The following SUGCT variants were observed in gnomAD, a reference collection of about 807,000 sequenced individuals.
SUGCT encodes the protein succinyl-CoA:glutarate-CoA transferase.
In SUGCT, 41 loss-of-function variants were observed where a neutral mutation model predicts 55.0. That is an observed-to-expected ratio of 0.74 (90% CI 0.58 to 0.97). SUGCT has a LOEUF of 0.97. Ranked by LOEUF, SUGCT falls within the 50% of genes least tolerant of loss-of-function variation. The probability of loss-of-function intolerance (pLI) is 0.00; values close to 1 mark genes in which losing one functional copy is unlikely to be tolerated. For missense variants in SUGCT, 568 were observed against 547.8 expected (o/e 1.04, Z -0.37); for synonymous variants, 187 against 200.4 (o/e 0.93, Z 0.56).
chr7:40,341,658 T>G (rs773629189), intron 9 of SUGCT, among the ~76,000 whole-genome samples: 8 of 152,070 alleles, frequency 5.3e-5, no homozygotes, highest in Non-Finnish European at 1.0e-4. Flanking sequence ...GCGGGGAGGA[T>G]CCAGTACTGT....
chr7:40,437,741 C>G (rs1186661290), intron 9 of SUGCT, among the ~76,000 whole-genome samples: 1 of 152,110 alleles, frequency 6.6e-6, no homozygotes, highest in Non-Finnish European at 1.5e-5. Context: ...GCTTGGCATT[C>G]CAGAAAACAT....
intron 7 of SUGCT, among the ~76,000 whole-genome samples, chr7:40,247,524 C>T (rs1217884752): frequency 1.3e-5 from 2 of 152,130 alleles, no homozygotes; most frequent in Non-Finnish European, 2.9e-5. Context: ...TCCCGAAGTC[C>T]TGGGATTACA....
intron 12 of SUGCT, among the ~76,000 whole-genome samples, chr7:40,556,438 T>C (rs576566470): frequency 7.2e-5 from 11 of 152,330 alleles, no homozygotes; most frequent in Admixed American, 2.6e-4. Context: ...CAGTCCTGCT[T>C]TCCTTATTCC....
At chr7:40,473,167 G>A (rs1187018661) in intron 11 of SUGCT, among the ~76,000 whole-genome samples, 1 of 152,080 alleles carries the variant, frequency 6.6e-6, no homozygotes, top group African/African-American at 2.4e-5. Flanking sequence ...ATAAGTAGCC[G>A]AATCCACTAA....
chr7:40,167,787 T>C (rs534793465), intron 1 of SUGCT, among the ~76,000 whole-genome samples: 14 of 152,228 alleles, frequency 9.2e-5, no homozygotes, highest in Non-Finnish European at 1.3e-4. Context: ...CTGCCAGATC[T>C]GGAGGGGTGG....
chr7:40,773,921 T>C (rs940771294), intron 13 of SUGCT, among the ~76,000 whole-genome samples: 2 of 152,188 alleles, frequency 1.3e-5, no homozygotes, highest in Non-Finnish European at 2.9e-5. Flanking sequence ...ACACTCCACA[T>C]AGCCATTTTA....
chr7:40,789,878 G>A (rs144808692), intron 13 of SUGCT, among the ~76,000 whole-genome samples: 1 of 152,244 alleles, frequency 6.6e-6, no homozygotes, highest in Non-Finnish European at 1.5e-5. Context: ...GTTAACAAAT[G>A]TGTGGAGGGG....
At chr7:40,861,931 T>C (rs1292004153), downstream of SUGCT, among the ~76,000 whole-genome samples, 1 of 152,248 alleles carries the variant, frequency 6.6e-6, no homozygotes, top group Non-Finnish European at 1.5e-5. Context: ...TCACAATGCA[T>C]ACTCAGAGAC....
At chr7:40,706,646 C>G (rs1009937450) in intron 12 of SUGCT, among the ~76,000 whole-genome samples, 23 of 152,196 alleles carry the variant, frequency 1.5e-4, no homozygotes, top group Non-Finnish European at 2.6e-4. Context: ...GCAGTGGCTT[C>G]TTTGGTGGGC....
Position 40,204,962 on chromosome 7 carries a change from A to T in SUGCT, c.484+9902A>T, listed in dbSNP as rs943999713. Among the ~76,000 whole-genome samples the T allele has an allele frequency of 5.3e-5, 8 of 150,126 alleles. No individual in the cohort carries two copies. In the East Asian group the frequency reaches 9.8e-4, roughly 18 times the overall value. On this transcript the variant is annotated intron_variant, in intron 6 of 13. Transcript: ENST00000335693. ...AGTGAGAACTTGTCTCTTAAAAATAAAAAGAGAAGGGCCCGGTGCAATGGC... is the reference window on the plus strand; with the variant it reads ...AGTGAGAACTTGTCTCTTAAAAATATAAAGAGAAGGGCCCGGTGCAATGGC...
intron 13 of SUGCT, among the ~76,000 whole-genome samples, chr7:40,840,209 C>A (rs1194397381): frequency 2.6e-5 from 4 of 152,064 alleles, no homozygotes; most frequent in Non-Finnish European, 5.9e-5. Flanking sequence ...TTTGTGAACT[C>A]CATGGGAGTC....
chr7:40,423,631 A>G (rs978077493), intron 9 of SUGCT, among the ~76,000 whole-genome samples: 8 of 152,146 alleles, frequency 5.3e-5, no homozygotes, highest in African/African-American at 1.9e-4. Flanking sequence ...TACTGAAAAA[A>G]AAGTAGCTTA....
chr7:40,913,487 T>A, the SUGCT span, among the ~76,000 whole-genome samples: 3 of 152,226 alleles, frequency 2.0e-5, no homozygotes, highest in African/African-American at 7.2e-5. Flanking sequence ...ATAAGTTTTC[T>A]TGTCCCATAT....
At chr7:40,581,602 ATT>A (rs1302857616) in intron 12 of SUGCT, among the ~76,000 whole-genome samples, 1 of 152,158 alleles carries the variant, frequency 6.6e-6, no homozygotes, top group Non-Finnish European at 1.5e-5. Context: ...CAAGATTGTG[ATT>A]TTGTCATGCA....
chr7:40,807,472 A>G (rs1791164920), intron 13 of SUGCT, among the ~76,000 whole-genome samples: 1 of 152,192 alleles, frequency 6.6e-6, no homozygotes, highest in African/African-American at 2.4e-5. Flanking sequence ...TTCTCCGCAG[A>G]AACAGGTGAA....
chr7:40,455,939 A>T (rs1789461210), intron 10 of SUGCT, among the ~76,000 whole-genome samples: 1 of 152,232 alleles, frequency 6.6e-6, no homozygotes, highest in African/African-American at 2.4e-5. Flanking sequence ...ACAGGCAATG[A>T]CAACTCTTCA....
chr7:40,321,826 C>T (rs1795771733), intron 9 of SUGCT, among the ~76,000 whole-genome samples: 2 of 152,278 alleles, frequency 1.3e-5, no homozygotes, highest in South Asian at 4.1e-4. Flanking sequence ...TTTATCCAGT[C>T]CATTGTTGAC....
chr7:40,251,068 A>T (rs1264904563), intron 7 of SUGCT, among the ~76,000 whole-genome samples: 1 of 151,824 alleles, frequency 6.6e-6, no homozygotes, highest in Non-Finnish European at 1.5e-5. Flanking sequence ...TGACCTTGTG[A>T]TCCATCCACC....
intron 9 of SUGCT, among the ~76,000 whole-genome samples, chr7:40,322,346 T>C (rs981468771): frequency 1.3e-5 from 2 of 152,202 alleles, no homozygotes; most frequent in Non-Finnish European, 2.9e-5. Flanking sequence ...TGCTCTCTAG[T>C]GCAGGCACAG....
Sources: gnomAD v4.1 joint callset for allele counts (sites outside exome capture counted in the v4.1 genomes callset) on GRCh38, gnomAD v4.1.1 for gene constraint, MANE v1.5 for transcripts, NCBI Gene and HGNC (gene_info 2026-07-23, HGNC 2026-07-21) for gene names.